KCNH5: variants seen among roughly 807,000 people sequenced by gnomAD.
KCNH5 encodes voltage-gated delayed rectifier potassium channel KCNH5.
KCNH5 carries 46 observed loss-of-function variants against 96.1 expected under a neutral mutation model. The observed-to-expected ratio is 0.48, with a 90% CI of 0.38 to 0.61. The LOEUF is 0.61. Among genes scored for constraint, KCNH5 ranks in the 20% least tolerant of loss-of-function variants. The pLI, the probability that KCNH5 is intolerant of heterozygous loss-of-function variation, is 0.00. For missense variants in KCNH5, 907 were observed against 1,225.8 expected, an observed-to-expected ratio of 0.74 and a Z score of 3.88; for synonymous variants, 439 against 449.8, an observed-to-expected ratio of 0.98 and a Z score of 0.30.
chr14:62,777,173 C>G (rs559474947), intron 10 of KCNH5, among the ~76,000 whole-genome samples: 1 of 152,304 alleles, frequency 6.6e-6, no homozygotes, highest in African/African-American at 2.4e-5. Flanking sequence ...GAATGAGAAA[C>G]TATAAATTGT....
chr14:63,022,441 GTTTT>G (rs1249054546), intron 1 of KCNH5, among the ~76,000 whole-genome samples: 1 of 150,750 alleles, frequency 6.6e-6, no homozygotes, highest in East Asian at 2.0e-4. Flanking sequence ...AGCCAAACGA[GTTTT>G]TTGTTTGTTT....
At chr14:62,983,166 C>G (rs1025747750) in intron 5 of KCNH5, among the ~76,000 whole-genome samples, 1 of 151,984 alleles carries the variant, frequency 6.6e-6, no homozygotes, top group African/African-American at 2.4e-5. Flanking sequence ...GGACCCTAAG[C>G]CTTTGTGCCT....
intron 9 of KCNH5, among the ~76,000 whole-genome samples, chr14:62,780,525 C>T (rs1287561654): frequency 1.3e-5 from 2 of 151,940 alleles, no homozygotes; most frequent in Non-Finnish European, 2.9e-5. Flanking sequence ...GCTGAAGGAC[C>T]CAGGTTGAGT....
intron 1 of KCNH5, among the ~76,000 whole-genome samples, chr14:63,026,736 T>C (rs1354870576): frequency 6.6e-6 from 1 of 152,010 alleles, no homozygotes; most frequent in Non-Finnish European, 1.5e-5. Context: ...AAATGGGAAC[T>C]CTTCTACACT....
chr14:62,898,449 G>C (rs1372487728), intron 7 of KCNH5, among the ~76,000 whole-genome samples: 1 of 151,888 alleles, frequency 6.6e-6, no homozygotes, highest in Non-Finnish European at 1.5e-5. Context: ...TAGTAAACGA[G>C]AAAAAAGTCA....
intron 8 of KCNH5, among the ~76,000 whole-genome samples, chr14:62,844,197 T>C (rs987494796): frequency 1.3e-5 from 2 of 152,148 alleles, no homozygotes; most frequent in African/African-American, 4.8e-5. Context: ...AAATGAAGAC[T>C]AAAGAGCTTT....
At chr14:62,839,428 T>C (rs1310523038) in intron 8 of KCNH5, among the ~76,000 whole-genome samples, 2 of 152,162 alleles carry the variant, frequency 1.3e-5, no homozygotes, top group Non-Finnish European at 2.9e-5. Flanking sequence ...TATTCTGATA[T>C]TTGCCCTGCA....
chr14:62,752,913 T>C (rs1595607099), intron 10 of KCNH5, among the ~76,000 whole-genome samples: 1 of 152,202 alleles, frequency 6.6e-6, no homozygotes, highest in Non-Finnish European at 1.5e-5. Flanking sequence ...CAAATAAACC[T>C]CTTTTGTTTA....
intron 2 of KCNH5, among the ~76,000 whole-genome samples, chr14:63,009,483 G>A (rs1012775054): frequency 1.3e-5 from 2 of 152,094 alleles, no homozygotes; most frequent in Non-Finnish European, 2.9e-5. Flanking sequence ...TTTTAAAATA[G>A]TCTTTCATTT....
intron 6 of KCNH5, among the ~76,000 whole-genome samples, chr14:62,971,154 T>C (rs548327607): frequency 6.6e-6 from 1 of 152,216 alleles, no homozygotes; most frequent in East Asian, 1.9e-4. Context: ...AACTCATAAG[T>C]AATTATAGCA....
chr14:62,909,832 C>A (rs780527676), intron 7 of KCNH5, among the ~76,000 whole-genome samples: 1 of 152,076 alleles, frequency 6.6e-6, no homozygotes, highest in Admixed American at 6.5e-5. Flanking sequence ...GAGTACAAAC[C>A]CCCCAAACAC....
At chr14:62,976,172 G>A (rs1209798270) in intron 6 of KCNH5, among the ~76,000 whole-genome samples, 10 of 151,814 alleles carry the variant, frequency 6.6e-5, no homozygotes, top group East Asian at 5.8e-4. Context: ...AGGCCAAGAC[G>A]GGTGGATCAT....
intron 8 of KCNH5, among the ~76,000 whole-genome samples, chr14:62,817,833 T>C (rs1489603086): frequency 6.9e-6 from 1 of 145,806 alleles, no homozygotes; most frequent in Non-Finnish European, 1.5e-5. Context: ...ATATTATATA[T>C]ATATAATGGA....
At chr14:63,009,969 C>T (rs1481078495) in intron 2 of KCNH5, among the ~76,000 whole-genome samples, 1 of 152,162 alleles carries the variant, frequency 6.6e-6, no homozygotes, top group African/African-American at 2.4e-5. Context: ...TACCAAATAT[C>T]CTCAAGGAAT....
rs1400117637 is a variant in KCNH5 at position 62,793,493 on chromosome 14, A to G, written c.1822+8836T>C. Among the ~76,000 whole-genome samples the G allele has an allele frequency of 4.6e-5, 7 of 151,800 alleles. No individual in the cohort carries two copies. In the East Asian group the frequency reaches 1.3e-3, roughly 29 times the overall value. ...GTGTGTTGCTGTGATAGAAATGTGT[A>G]TGAGTATGGGCAGTGATCACAGAAG... On this transcript the variant is annotated intron_variant, in intron 9 of 10. Coordinates refer to ENST00000322893, the MANE Select transcript of KCNH5 (RefSeq NM_139318.5).
chr14:62,873,532 A>C (rs114333683), intron 7 of KCNH5, among the ~76,000 whole-genome samples: 1,768 of 152,348 alleles, frequency 0.012, 53 homozygotes, highest in African/African-American at 0.04. Context: ...GAGTTGTCCT[A>C]CTGGCTAGAT....
intron 8 of KCNH5, among the ~76,000 whole-genome samples, chr14:62,814,749 C>T (rs1452636838): frequency 7.6e-6 from 1 of 131,074 alleles, no homozygotes; most frequent in Non-Finnish European, 1.5e-5. Context: ...CACCACTGCA[C>T]TCCAGCCTGG....
In KCNH5 at chr14:62,802,593, G is replaced by T; in HGVS notation, c.1570-12C>A. The T allele has an allele frequency of 1.2e-6, 2 of 1,611,832 alleles. No individual in the cohort carries two copies. The highest frequency in any genetic ancestry group is 2.2e-5 in the South Asian group (2 of 90,996). On this transcript the variant is annotated splice_polypyrimidine_tract_variant and intron_variant, in intron 8 of 10. Transcript: ENST00000322893. Reference sequence around the variant, plus strand: ...CAGATGGAGAGGACCTAAAGAAGGTGAGAGATGAATAAGTGAAAAGGAAAG... The same window carrying T: ...CAGATGGAGAGGACCTAAAGAAGGTTAGAGATGAATAAGTGAAAAGGAAAG...
At chr14:62,953,345 T>C (rs918315813) in intron 6 of KCNH5, among the ~76,000 whole-genome samples, 3 of 152,118 alleles carry the variant, frequency 2.0e-5, no homozygotes, top group African/African-American at 7.2e-5. Flanking sequence ...ATTCTCATGA[T>C]TGCCCTCAGT....
Sources: gnomAD v4.1 joint callset for allele counts (sites outside exome capture counted in the v4.1 genomes callset) on GRCh38, gnomAD v4.1.1 for gene constraint, MANE v1.5 for transcripts, NCBI Gene and HGNC (gene_info 2026-07-23, HGNC 2026-07-21) for gene names.